The following PRTFDC1 variants were observed in gnomAD, a reference collection of about 807,000 sequenced individuals.
PRTFDC1 encodes the protein phosphoribosyltransferase domain-containing protein 1.
PRTFDC1 carries 38 observed loss-of-function variants against 34.6 expected under a neutral mutation model. The ratio of observed to expected loss-of-function variants is 1.10; its 90% CI spans 0.85 to 1.44. The LOEUF is 1.44. Among genes scored for constraint, PRTFDC1 ranks in the 40% most tolerant of loss-of-function variants. PRTFDC1 has a pLI of 0.00. For synonymous variants in PRTFDC1, 93 were observed against 98.1 expected, an observed-to-expected ratio of 0.95 and a Z score of 0.31; for missense variants, 270 against 283.0, an observed-to-expected ratio of 0.95 and a Z score of 0.33.
At chr10:24,936,903 G>A (rs774364753) in intron 3 of PRTFDC1, among the ~76,000 whole-genome samples, 25 of 152,072 alleles carry the variant, frequency 1.6e-4, no homozygotes, top group Non-Finnish European at 3.2e-4. Flanking sequence ...CTGGGCACCA[G>A]GATATAACCA....
intron 3 of PRTFDC1, among the ~76,000 whole-genome samples, chr10:24,917,805 C>T (rs992645251): frequency 6.6e-6 from 1 of 152,074 alleles, no homozygotes; most frequent in Non-Finnish European, 1.5e-5. Context: ...CATTCAGTTT[C>T]CTCAAAGAAC....
chr10:24,928,604 C>T (rs1848917985), intron 3 of PRTFDC1, among the ~76,000 whole-genome samples: 1 of 152,056 alleles, frequency 6.6e-6, no homozygotes, highest in African/African-American at 2.4e-5. Flanking sequence ...CCACCACGCC[C>T]AGCTAATTTT....
At chr10:24,890,987 C>A (rs1438554000) in intron 3 of PRTFDC1, among the ~76,000 whole-genome samples, 1 of 152,122 alleles carries the variant, frequency 6.6e-6, no homozygotes, top group African/African-American at 2.4e-5. Flanking sequence ...CTGACAGGCT[C>A]ATTTGTGGAT....
intron 3 of PRTFDC1, among the ~76,000 whole-genome samples, chr10:24,874,446 T>C (rs1565262247): frequency 6.6e-6 from 1 of 152,290 alleles, no homozygotes; most frequent in East Asian, 1.9e-4. Flanking sequence ...AATATGTTGT[T>C]AATAGCAGCA....
intron 3 of PRTFDC1, among the ~76,000 whole-genome samples, chr10:24,876,566 C>T (rs1195791258): frequency 6.6e-6 from 1 of 151,628 alleles, no homozygotes; most frequent in African/African-American, 2.4e-5. Context: ...TGTTGGTGCA[C>T]ACCTATAGTC....
intron 3 of PRTFDC1, among the ~76,000 whole-genome samples, chr10:24,918,932 C>T (rs1416458021): frequency 1.3e-5 from 2 of 152,176 alleles, no homozygotes; most frequent in African/African-American, 4.8e-5. Context: ...GCTCTTGAAT[C>T]AGCCTGTGTA....
chr10:24,922,228 A>C (rs1431611369), intron 3 of PRTFDC1, among the ~76,000 whole-genome samples: 3 of 152,366 alleles, frequency 2.0e-5, no homozygotes, highest in East Asian at 1.9e-4. Flanking sequence ...ACATAAAATA[A>C]GGATAATTGT....
chr10:24,923,520 G>C (rs1848823394), intron 3 of PRTFDC1, among the ~76,000 whole-genome samples: 1 of 152,202 alleles, frequency 6.6e-6, no homozygotes, highest in Admixed American at 6.5e-5. Context: ...ACGGGGTCTG[G>C]AGTGGACCTC....
chr10:24,950,115 AC>A (rs1849317189), intron 1 of PRTFDC1, among the ~76,000 whole-genome samples: 1 of 152,078 alleles, frequency 6.6e-6, no homozygotes, highest in South Asian at 2.1e-4. Context: ...CTCTGTTGAC[AC>A]CAATAGACTG....
At chr10:24,909,980 G>C (rs1225099527) in intron 3 of PRTFDC1, among the ~76,000 whole-genome samples, 2 of 136,966 alleles carry the variant, frequency 1.5e-5, no homozygotes, top group Non-Finnish European at 3.1e-5. Flanking sequence ...AGGAAACCCT[G>C]TCTCTATTAA....
rs113062441 is a variant in PRTFDC1, at chr10:24,904,539, G to A, written c.340-32476C>T. ...AGGGAGGCAGGCAAGTCTGCTACAT[G>A]GAAGCCTGGGGACACTTCAGCCCCG... On this transcript the variant is annotated intron_variant, in intron 3 of 8. Transcript: ENST00000320152. Among the ~76,000 whole-genome samples, 783 of 152,268 alleles carry A rather than the reference G, an allele frequency of 5.1e-3. 9 individuals carry two copies. The highest frequency in any genetic ancestry group is 0.018 in the African/African-American group (752 of 41,544).
At chr10:24,871,131 A>AT (rs1279602186) in intron 4 of PRTFDC1, among the ~76,000 whole-genome samples, 1 of 151,116 alleles carries the variant, frequency 6.6e-6, no homozygotes. Context: ...TATTACACAT[A>AT]TTTTTATGAA....
intron 3 of PRTFDC1, among the ~76,000 whole-genome samples, chr10:24,882,255 T>C (rs1298704903): frequency 1.3e-5 from 2 of 149,688 alleles, no homozygotes; most frequent in South Asian, 2.1e-4. Flanking sequence ...TCAGGCATCA[T>C]CTCTTCTAGG....
At chr10:24,944,625 A>C (rs1055194543) in intron 1 of PRTFDC1, among the ~76,000 whole-genome samples, 2 of 152,114 alleles carry the variant, frequency 1.3e-5, no homozygotes, top group Non-Finnish European at 2.9e-5. Flanking sequence ...TCTGCAAAAA[A>C]TTAAAAAATT....
At chr10:24,899,043 G>A (rs1384905123) in intron 3 of PRTFDC1, among the ~76,000 whole-genome samples, 1 of 152,130 alleles carries the variant, frequency 6.6e-6, no homozygotes. Flanking sequence ...CCAGAACTGT[G>A]AGAAATAAAT....
intron 3 of PRTFDC1, among the ~76,000 whole-genome samples, chr10:24,935,161 T>C (rs1849029834): frequency 6.6e-6 from 1 of 152,206 alleles, no homozygotes; most frequent in African/African-American, 2.4e-5. Flanking sequence ...TGAAATTCAC[T>C]GAACTCTAAA....
chr10:24,888,040 A>C (rs1848199328), intron 3 of PRTFDC1, among the ~76,000 whole-genome samples: 1 of 152,106 alleles, frequency 6.6e-6, no homozygotes, highest in East Asian at 1.9e-4. Context: ...GGAATGACTA[A>C]TTTTTGTATC....
chr10:24,883,087 CAT>C (rs1382811181), intron 3 of PRTFDC1, among the ~76,000 whole-genome samples: 3 of 147,436 alleles, frequency 2.0e-5, no homozygotes, highest in Non-Finnish European at 4.5e-5. Flanking sequence ...TATATAAACA[CAT>C]AGAATATAAA....
At chr10:24,920,265 A>T (rs750183602) in intron 3 of PRTFDC1, among the ~76,000 whole-genome samples, 12 of 151,300 alleles carry the variant, frequency 7.9e-5, no homozygotes, top group Non-Finnish European at 1.3e-4. Context: ...ATAAAATGTT[A>T]TATATATATG....
Sources: gnomAD v4.1 joint callset for allele counts (sites outside exome capture counted in the v4.1 genomes callset) on GRCh38, gnomAD v4.1.1 for gene constraint, MANE v1.5 for transcripts, NCBI Gene and HGNC (gene_info 2026-07-23, HGNC 2026-07-21) for gene names.